Variants in DCP1B observed in about 807,000 individuals in gnomAD.
DCP1B encodes the protein mRNA-decapping enzyme 1B.
A neutral mutation model predicts 60.5 loss-of-function variants in DCP1B; 47 were observed. That is an observed-to-expected ratio of 0.78 (90% CI 0.61 to 0.99). The LOEUF (loss-of-function observed/expected upper bound fraction) is 0.99, where lower values mean the gene tolerates loss of function less well. Among genes scored for constraint, DCP1B ranks in the 50% least tolerant of loss-of-function variants. The pLI is 0.00. For synonymous variants in DCP1B, 267 were observed against 280.3 expected, an observed-to-expected ratio of 0.95 and a Z score of 0.47; for missense variants, 725 against 756.8, an observed-to-expected ratio of 0.96 and a Z score of 0.49.
chr12:1,953,396 G>T, intron 6 of DCP1B, 108 bp from the exon 7 acceptor site: 1 of 1,231,442 alleles, frequency 8.1e-7, no homozygotes, highest in Non-Finnish European at 1.1e-6. Context: ...ACAAAGGATT[G>T]ATTAGAGAGA....
Position 1,971,139 on chromosome 12 carries a change from T to A in DCP1B, c.320-3229A>T, listed in dbSNP as rs1565781134. ...AGCCACCTGTCTGCCAACACGGAGG[T>A]CAAGTTTAAGGGTACTTTGGTGCAT... On this transcript the variant is annotated intron_variant, in intron 3 of 8. Transcript: ENST00000280665. The surrounding 1 kb of genome is among the most constrained non-coding windows in gnomAD (Gnocchi z 4.2). 2 of 1,289,206 alleles carry A rather than the reference T, an allele frequency of 1.6e-6. No homozygotes were observed. Among genetic ancestry groups the A allele is most frequent in the Non-Finnish European group, 2.0e-6 (2 of 988,508 alleles). The allele number at this position is 1,289,206 out of a possible 1,614,324, so 79.9% of individuals were successfully genotyped here. A position where few individuals can be genotyped will look rare whatever the true frequency, so the allele number is the denominator to read the frequency against.
rs974629771 is a variant in DCP1B, at chr12:1,979,155, C to T, written c.320-11245G>A. The stretch of plus-strand genomic sequence containing the variant: ...AGGCTCCCAAGTGGCTGGGATTACA[C>T]GTGCCCGCCATCGAGCCTGGCTAAT... On this transcript the variant is annotated intron_variant, in intron 3 of 8. Transcript: ENST00000280665. 1.4e-4 allele frequency among the ~76,000 whole-genome samples: 22 copies of T among 152,144 alleles called. No individual in the cohort carries two copies. The East Asian group carries it at 3.9e-3, about 27-fold the overall frequency.
chr12:1,960,613 ACATG>A (rs1176909161), intron 5 of DCP1B, among the ~76,000 whole-genome samples: 1 of 152,260 alleles, frequency 6.6e-6, no homozygotes, highest in Non-Finnish European at 1.5e-5. Context: ...CCTATAATAT[ACATG>A]CATATCAAAA....
chr12:2,004,246 C>T, intron 1 of DCP1B, 36 bp downstream of exon 1: 1 of 1,611,200 alleles, frequency 6.2e-7, no homozygotes, highest in Non-Finnish European at 8.5e-7. Flanking sequence ...TCCACCCCAA[C>T]CCTGGGCTGC....
chr12:1,997,905 A>G (rs1471069179), intron 2 of DCP1B, 30 bp downstream of exon 2: 1 of 1,552,296 alleles, frequency 6.4e-7, no homozygotes, highest in Non-Finnish European at 8.8e-7. Context: ...TTTGAAGATT[A>G]GTTTCTTTAT....
chr12:1,983,744 T>C (rs1039540033), intron 3 of DCP1B, among the ~76,000 whole-genome samples: 1 of 152,112 alleles, frequency 6.6e-6, no homozygotes, highest in Non-Finnish European at 1.5e-5. Flanking sequence ...GTTTAGTTGA[T>C]AGTGTTGTTC....
chr12:1,949,046 G>C (rs1249501510), intron 8 of DCP1B, 40 bp downstream of exon 8: 1 of 1,595,674 alleles, frequency 6.3e-7, no homozygotes, highest in Non-Finnish European at 8.6e-7. Flanking sequence ...GAGGCCAACA[G>C]GCGTGGTCAG....
chr12:1,997,896 T>C (rs761428026), intron 2 of DCP1B, 39 bp downstream of exon 2: 2 of 1,521,508 alleles, frequency 1.3e-6, no homozygotes, highest in Admixed American at 3.7e-5. Flanking sequence ...AAATATTATT[T>C]TGAAGATTAG....
chr12:1,967,945 T>C (rs1386327684), intron 3 of DCP1B, 35 bp from the exon 4 acceptor site: 3 of 1,557,756 alleles, frequency 1.9e-6, no homozygotes, highest in South Asian at 1.2e-5. Flanking sequence ...ATTATGAGCA[T>C]CTTCAAAACT....
chr12:1,996,554 C>A (rs1433305012), intron 2 of DCP1B, among the ~76,000 whole-genome samples: 3 of 141,446 alleles, frequency 2.1e-5, no homozygotes, highest in Non-Finnish European at 4.5e-5. Flanking sequence ...TCCTGGGACA[C>A]CTTGGAAAGG....
intron 3 of DCP1B, among the ~76,000 whole-genome samples, chr12:1,980,022 GGA>G (rs1452510055): frequency 6.6e-6 from 1 of 152,116 alleles, no homozygotes; most frequent in Non-Finnish European, 1.5e-5. Context: ...AGACATTATT[GGA>G]GAGAGTACAA....
chr12:2,004,252 G>A, intron 1 of DCP1B, 30 bp downstream of exon 1: 1 of 1,611,696 alleles, frequency 6.2e-7, no homozygotes, highest in Non-Finnish European at 8.5e-7. Context: ...CCAACCCTGG[G>A]CTGCACTGCT....
At chr12:1,973,227 A>G (rs930670030) in intron 3 of DCP1B, among the ~76,000 whole-genome samples, 5 of 152,166 alleles carry the variant, frequency 3.3e-5, no homozygotes, top group Admixed American at 2.0e-4. Flanking sequence ...ACATGGTTTT[A>G]CTGCACCTCA....
At chr12:1,990,983 A>AT in intron 3 of DCP1B, 1 of 358,358 alleles carries the variant, frequency 2.8e-6, no homozygotes, top group Non-Finnish European at 5.3e-6. Flanking sequence ...GATAGAAAGG[A>AT]CAAAAAAAAA....
intron 3 of DCP1B, chr12:1,991,382 C>A: frequency 3.2e-6 from 1 of 312,724 alleles, no homozygotes; most frequent in Non-Finnish European, 6.4e-6. Context: ...CAGTGCCATT[C>A]AATAGAAATA....
At chr12:1,989,566 C>CA (rs956723542) in intron 3 of DCP1B, among the ~76,000 whole-genome samples, 2 of 152,046 alleles carry the variant, frequency 1.3e-5, no homozygotes, top group African/African-American at 4.8e-5. Context: ...ACACAAAAAT[C>CA]AGCCAGGCAT....
At chr12:1,946,846 C>CGT (rs1283651235) in intron 8 of DCP1B, among the ~76,000 whole-genome samples, 3 of 152,230 alleles carry the variant, frequency 2.0e-5, no homozygotes, top group Non-Finnish European at 4.4e-5. Flanking sequence ...GCTACAGGTG[C>CGT]GTGCTACCAT....
At chr12:1,987,639 T>C (rs2038175803) in intron 3 of DCP1B, among the ~76,000 whole-genome samples, 2 of 152,304 alleles carry the variant, frequency 1.3e-5, no homozygotes, top group East Asian at 1.9e-4. Context: ...CCATATATCA[T>C]GTATGTACCA....
chr12:1,994,432 T>G (rs1189461947), intron 2 of DCP1B, among the ~76,000 whole-genome samples: 1 of 152,210 alleles, frequency 6.6e-6, no homozygotes, highest in Non-Finnish European at 1.5e-5. Context: ...TTCTGAAACC[T>G]CCAATTTTAA....
Sources: allele counts gnomAD v4.1 joint callset (sites outside exome capture counted in the v4.1 genomes callset), GRCh38; gene constraint gnomAD v4.1.1; non-coding constraint Gnocchi (gnomAD v3.1); transcripts MANE v1.5; gene names NCBI Gene and HGNC (gene_info 2026-07-23, HGNC 2026-07-21).